The following HEATR5B variants were observed in gnomAD, a reference collection of about 807,000 sequenced individuals.
HEATR5B encodes the protein HEAT repeat containing 5B, also known as HEAT repeat-containing protein 5B.
A neutral mutation model predicts 224.1 loss-of-function variants in HEATR5B; 156 were observed. The ratio of observed to expected loss-of-function variants is 0.70; its 90% CI spans 0.61 to 0.80. The LOEUF is 0.80. Among genes scored for constraint, HEATR5B ranks in the 30% least tolerant of loss-of-function variants. The pLI, the probability that HEATR5B is intolerant of heterozygous loss-of-function variation, is 0.00. For synonymous variants in HEATR5B, 1,027 were observed against 893.0 expected (o/e 1.15, Z -2.68); for missense variants, 2,323 against 2,535.5 (o/e 0.92, Z 1.80).
At chr2:37,045,650 A>G (rs772130056) in intron 18 of HEATR5B, among the ~76,000 whole-genome samples, 1 of 152,026 alleles carries the variant, frequency 6.6e-6, no homozygotes, top group East Asian at 1.9e-4. Flanking sequence ...ACTTTAGATG[A>G]TCCTTCTGTT....
chr2:37,006,774 G>T (rs1389539610), intron 29 of HEATR5B, among the ~76,000 whole-genome samples: 2 of 152,168 alleles, frequency 1.3e-5, no homozygotes, highest in Non-Finnish European at 1.5e-5. Context: ...AAGAAAACCT[G>T]TTGTTGAATA....
At chr2:37,070,910 G>C (rs1671864976) in intron 6 of HEATR5B, among the ~76,000 whole-genome samples, 1 of 152,192 alleles carries the variant, frequency 6.6e-6, no homozygotes, top group African/African-American at 2.4e-5. Flanking sequence ...TAAAGCTCAT[G>C]GCTAAGAATT....
chr2:37,000,091 C>T (rs1032443484), intron 33 of HEATR5B, among the ~76,000 whole-genome samples: 1 of 151,778 alleles, frequency 6.6e-6, no homozygotes, highest in Non-Finnish European at 1.5e-5. Flanking sequence ...TTTTTTGAGA[C>T]AGAGTTTCAA....
In HEATR5B at chr2:37,075,469, T is replaced by C; in HGVS notation, c.597+16A>G. 1 of 1,594,610 alleles carries C rather than the reference T, an allele frequency of 6.3e-7. No individual in the cohort carries two copies. Among genetic ancestry groups the C allele is most frequent in the Non-Finnish European group, 8.5e-7 (1 of 1,170,530 alleles). The stretch of plus-strand genomic sequence containing the variant: ...GAAGGATAAAGAGCAGTATTCTAAA[T>C]TGGTCGAGTACTAACCTTGGCCACT... On this transcript the variant is annotated intron_variant, in intron 5 of 35. Transcript: ENST00000233099.
intron 33 of HEATR5B, among the ~76,000 whole-genome samples, chr2:36,997,658 C>A (rs1156995475): frequency 6.7e-6 from 1 of 149,764 alleles, no homozygotes; most frequent in Non-Finnish European, 1.5e-5. Flanking sequence ...CCTCTGCCAC[C>A]CAGGTTCATG....
chr2:37,034,174 T>C (rs2148478521), intron 21 of HEATR5B, among the ~76,000 whole-genome samples: 2 of 150,588 alleles, frequency 1.3e-5, no homozygotes, highest in South Asian at 4.3e-4. Flanking sequence ...GCCCGGCTAA[T>C]TTTTTGTATT....
At chr2:37,055,103 A>C (rs757083063) in intron 16 of HEATR5B, 5 of 414,626 alleles carry the variant, frequency 1.2e-5, no homozygotes, top group Admixed American at 2.6e-5. Context: ...TAAGAACAGC[A>C]GTAAATATAT....
chr2:37,071,108 ATAGT>A (rs1305296174), intron 6 of HEATR5B, among the ~76,000 whole-genome samples: 13 of 151,784 alleles, frequency 8.6e-5, no homozygotes, highest in East Asian at 1.9e-4. Context: ...TGCCTGGCAC[ATAGT>A]TAGCACTTTA....
At chr2:37,039,034 TA>T (rs1476533655) in intron 20 of HEATR5B, among the ~76,000 whole-genome samples, 1 of 151,890 alleles carries the variant, frequency 6.6e-6, no homozygotes, top group Non-Finnish European at 1.5e-5. Flanking sequence ...AGAATGCCGG[TA>T]ACGGGCTGGG....
At chr2:36,998,526 T>C (rs530048919) in intron 33 of HEATR5B, among the ~76,000 whole-genome samples, 69 of 152,314 alleles carry the variant, frequency 4.5e-4, no homozygotes, top group African/African-American at 1.5e-3. Flanking sequence ...TCGATTCTAC[T>C]TCTAGGTGTA....
At chr2:37,042,232 C>G (rs1669918023) in intron 18 of HEATR5B, among the ~76,000 whole-genome samples, 1 of 152,090 alleles carries the variant, frequency 6.6e-6, no homozygotes, top group African/African-American at 2.4e-5. Context: ...ACCACATAAT[C>G]ATTAGAACAG....
intron 18 of HEATR5B, among the ~76,000 whole-genome samples, chr2:37,045,360 T>G (rs2148510339): frequency 6.6e-6 from 1 of 151,370 alleles, no homozygotes; most frequent in East Asian, 1.9e-4. Flanking sequence ...TGAGTTTTTT[T>G]CTGGGATACA....
chr2:37,065,867 T>G lies in HEATR5B; in HGVS notation c.1221A>C (p.Ala407=), dbSNP rs776037795. The G allele has an allele frequency of 4.3e-6, 7 of 1,613,430 alleles. No individual in the cohort carries two copies. The South Asian group carries it at 5.5e-5, about 13-fold the overall frequency. Residue 407 remains alanine (A), a synonymous_variant, in exon 9 of 36, where the codon GCA becomes GCC. Transcript: ENST00000233099. ...CATGCTGGCTTGCTGCAATGTCTGC[T>G]GCGCCAGATTTGTTTTCTCCACTTG... ...NDTSGENKSG[A]ADIAASQHVM...
intron 29 of HEATR5B, 78 bp downstream of exon 29, chr2:37,006,972 T>C (rs759711685): frequency 1.4e-6 from 2 of 1,441,188 alleles, no homozygotes; most frequent in Non-Finnish European, 1.9e-6. Context: ...CTGTACAAAA[T>C]CTTTCCATAG....
At chr2:37,025,053 G>A (rs1008839) in intron 24 of HEATR5B, among the ~76,000 whole-genome samples, 25,340 of 152,190 alleles carry the variant, frequency 0.17, 2,340 homozygotes, top group African/African-American at 0.22. Context: ...GAGATAGGAA[G>A]ATGAAGAGAT....
At chr2:37,029,612 C>A (rs1442343381) in intron 22 of HEATR5B, among the ~76,000 whole-genome samples, 1 of 151,678 alleles carries the variant, frequency 6.6e-6, no homozygotes, top group East Asian at 1.9e-4. Flanking sequence ...TGCAGTGAGC[C>A]AAGATTGTGC....
chr2:37,030,991 C>T lies in HEATR5B; in HGVS notation c.3361+1638G>A, dbSNP rs935713580. Among the ~76,000 whole-genome samples the T allele has an allele frequency of 2.0e-5, 3 of 152,222 alleles. No individual in the cohort carries two copies. In the South Asian group the frequency reaches 6.2e-4, roughly 31 times the overall value. On this transcript the variant is annotated intron_variant, in intron 22 of 35. Coordinates refer to ENST00000233099, the MANE Select transcript of HEATR5B (RefSeq NM_019024.3). ...CATCTGCTTTCCTTCTGAGTCCGAACTTTTGGTATGTGCCAGGCAGGCCAT... is the reference window on the plus strand; with the variant it reads ...CATCTGCTTTCCTTCTGAGTCCGAATTTTTGGTATGTGCCAGGCAGGCCAT...
intron 26 of HEATR5B, among the ~76,000 whole-genome samples, chr2:37,015,310 G>A (rs550090834): frequency 6.6e-6 from 1 of 152,158 alleles, no homozygotes; most frequent in Non-Finnish European, 1.5e-5. Flanking sequence ...TCTGGACAGG[G>A]GGATCATATT....
At chr2:36,991,621 AGAAAT>A in intron 33 of HEATR5B, among the ~76,000 whole-genome samples, 1 of 105,984 alleles carries the variant, frequency 9.4e-6, no homozygotes, top group Admixed American at 8.8e-5. Context: ...GTACGTAATT[AGAAAT>A]AACTAGAAAT....
Sources: allele counts gnomAD v4.1 joint callset (sites outside exome capture counted in the v4.1 genomes callset), GRCh38; gene constraint gnomAD v4.1.1; transcripts MANE v1.5; gene names NCBI Gene and HGNC (gene_info 2026-07-23, HGNC 2026-07-21).